Variants in LUZP2 observed in about 807,000 individuals in gnomAD.
LUZP2 encodes leucine zipper protein 2.
A neutral mutation model predicts 51.6 loss-of-function variants in LUZP2; 52 were observed. That is an observed-to-expected ratio of 1.01 (90% CI 0.81 to 1.27). LUZP2 has a LOEUF of 1.27. Ranked by LOEUF, LUZP2 falls within the 50% of genes most tolerant of loss-of-function variation. The pLI, the probability that LUZP2 is intolerant of heterozygous loss-of-function variation, is 0.00. For synonymous variants in LUZP2, 154 were observed against 137.3 expected (o/e 1.12, Z -0.85); for missense variants, 436 against 395.4 (o/e 1.10, Z -0.87).
At chr11:24,751,511 C>T in intron 4 of LUZP2, 1 of 867,572 alleles carries the variant, frequency 1.2e-6, no homozygotes, top group Non-Finnish European at 1.4e-6. Context: ...CAGTGCAGTA[C>T]AAAAGCCCTG....
chr11:24,775,753 C>T (rs1353525252), intron 5 of LUZP2, among the ~76,000 whole-genome samples: 8 of 152,188 alleles, frequency 5.3e-5, no homozygotes, highest in African/African-American at 1.2e-4. Context: ...GTCACTTTTT[C>T]GGTTCTCTGA....
chr11:24,738,508 C>T (rs1028774669), intron 4 of LUZP2, among the ~76,000 whole-genome samples: 10 of 152,000 alleles, frequency 6.6e-5, no homozygotes, highest in Non-Finnish European at 1.5e-4. Flanking sequence ...ATTAGGGGGT[C>T]GTCTAATTCC....
intron 5 of LUZP2, among the ~76,000 whole-genome samples, chr11:24,852,961 T>A (rs1851441844): frequency 6.6e-6 from 1 of 152,150 alleles, no homozygotes; most frequent in Non-Finnish European, 1.5e-5. Flanking sequence ...TGAACCTATG[T>A]GTGTCTTTGC....
chr11:24,761,908 A>G (rs1335387165), intron 4 of LUZP2, among the ~76,000 whole-genome samples: 5 of 151,794 alleles, frequency 3.3e-5, no homozygotes, highest in Non-Finnish European at 7.4e-5. Context: ...GCATGAGACA[A>G]ATATGTAAGT....
intron 4 of LUZP2, among the ~76,000 whole-genome samples, chr11:24,758,324 CGTGTGT>C (rs34105960): frequency 3.4e-5 from 5 of 148,218 alleles, no homozygotes; most frequent in South Asian, 2.1e-4. Context: ...GAATGACTTG[CGTGTGT>C]GTGTGTGTGT....
intron 4 of LUZP2, chr11:24,751,597 G>A (rs1027009538): frequency 1.4e-5 from 14 of 982,200 alleles, no homozygotes; most frequent in East Asian, 1.1e-4. Flanking sequence ...TCCCCTAAGA[G>A]CATTCTATGC....
intron 9 of LUZP2, among the ~76,000 whole-genome samples, chr11:24,990,051 C>T (rs1013960630): frequency 1.3e-5 from 2 of 152,020 alleles, no homozygotes; most frequent in African/African-American, 4.8e-5. Flanking sequence ...GATATTCGTC[C>T]ATCAATATAT....
At chr11:24,556,977 C>T (rs1851886988) in intron 1 of LUZP2, among the ~76,000 whole-genome samples, 1 of 152,134 alleles carries the variant, frequency 6.6e-6, no homozygotes, top group East Asian at 1.9e-4. Flanking sequence ...AGTATTTCAT[C>T]CAGGCCATGC....
At chr11:25,078,458 T>A (rs75090554) in intron 11 of LUZP2, 96 bp from the exon 12 acceptor site, 10,817 of 894,452 alleles carry the variant, frequency 0.012, 290 homozygotes, top group East Asian at 0.088. Flanking sequence ...GTTGAGATCT[T>A]TGAATTTCCA....
At chr11:25,012,740 A>T (rs547232587) in intron 9 of LUZP2, among the ~76,000 whole-genome samples, 6 of 152,228 alleles carry the variant, frequency 3.9e-5, no homozygotes, top group African/African-American at 1.4e-4. Context: ...GCTGGTGAGG[A>T]TGCAGAGAAA....
intron 1 of LUZP2, among the ~76,000 whole-genome samples, chr11:24,694,014 T>C (rs1857161003): frequency 6.6e-6 from 1 of 151,960 alleles, no homozygotes; most frequent in African/African-American, 2.4e-5. Context: ...ACATATAAAA[T>C]GCAAAATTCA....
At chr11:24,691,058 G>A (rs1857049263) in intron 1 of LUZP2, among the ~76,000 whole-genome samples, 3 of 151,728 alleles carry the variant, frequency 2.0e-5, no homozygotes, top group Admixed American at 6.6e-5. Context: ...TGTGTCAATG[G>A]GAATGTCAGG....
intron 5 of LUZP2, among the ~76,000 whole-genome samples, chr11:24,816,213 A>G (rs1178063185): frequency 1.3e-5 from 2 of 151,992 alleles, no homozygotes. Context: ...GATCTGAACA[A>G]GTCATTTTCC....
Position 24,913,368 on chromosome 11 carries a change from G to A in LUZP2, c.460-1108G>A, listed in dbSNP as rs147657483. Among the ~76,000 whole-genome samples, 1,445 of 152,132 alleles carry A rather than the reference G, an allele frequency of 9.5e-3. 18 individuals carry two copies. The highest frequency in any genetic ancestry group is 0.044 in the South Asian group (211 of 4,818). On this transcript the variant is annotated intron_variant, in intron 6 of 11. Transcript: ENST00000336930. ...TACTTCATTCCTTTTTCATTGCTCA[G>A]CAGTAGTCTAGTACTCCATGTCATG...
chr11:24,941,746 T>G (rs1040210017), intron 7 of LUZP2, among the ~76,000 whole-genome samples: 1 of 152,182 alleles, frequency 6.6e-6, no homozygotes, highest in Non-Finnish European at 1.5e-5. Context: ...TATTTAAAAA[T>G]TTAATGTATT....
At chr11:24,698,161 T>C (rs574575686) in intron 1 of LUZP2, among the ~76,000 whole-genome samples, 1 of 152,302 alleles carries the variant, frequency 6.6e-6, no homozygotes, top group South Asian at 2.1e-4. Context: ...GCAACACTGC[T>C]GTCTCAGTGT....
chr11:24,733,587 G>A (rs1858804535), intron 3 of LUZP2, among the ~76,000 whole-genome samples: 1 of 151,674 alleles, frequency 6.6e-6, no homozygotes, highest in Non-Finnish European at 1.5e-5. Flanking sequence ...AAAAGAACTG[G>A]AGATTAGAGT....
chr11:24,745,532 C>T (rs1859346801), intron 4 of LUZP2, among the ~76,000 whole-genome samples: 1 of 152,168 alleles, frequency 6.6e-6, no homozygotes, highest in South Asian at 2.1e-4. Context: ...GCTACCCCTG[C>T]TTGCTTTTCG....
At chr11:24,657,884 T>A (rs1277274485) in intron 1 of LUZP2, among the ~76,000 whole-genome samples, 1 of 152,140 alleles carries the variant, frequency 6.6e-6, no homozygotes, top group African/African-American at 2.4e-5. Flanking sequence ...GAAGAACCTC[T>A]TCAAGGAGAA....
Sources: allele counts gnomAD v4.1 joint callset (sites outside exome capture counted in the v4.1 genomes callset), GRCh38; gene constraint gnomAD v4.1.1; transcripts MANE v1.5; gene names NCBI Gene and HGNC (gene_info 2026-07-23, HGNC 2026-07-21).